The following ATP2B2 variants were observed in gnomAD, a reference collection of about 807,000 sequenced individuals.
ATP2B2 encodes ATPase plasma membrane Ca2+ transporting 2, also known as plasma membrane calcium-transporting ATPase 2.
A neutral mutation model predicts 120.0 loss-of-function variants in ATP2B2; 15 were observed. The observed-to-expected ratio is 0.12, with a 90% CI of 0.08 to 0.19. The LOEUF (loss-of-function observed/expected upper bound fraction) is 0.19. ATP2B2 is among the 10% of genes least tolerant of loss of function. The pLI, the probability that ATP2B2 is intolerant of heterozygous loss-of-function variation, is 1.00. For missense variants in ATP2B2, 1,045 were observed against 1,719.8 expected, an observed-to-expected ratio of 0.61 and a Z score of 6.94; for synonymous variants, 694 against 700.3, an observed-to-expected ratio of 0.99 and a Z score of 0.14.
intron 1 of ATP2B2, among the ~76,000 whole-genome samples, chr3:10,483,403 A>G (rs1040138680): frequency 2.0e-5 from 3 of 152,062 alleles, no homozygotes; most frequent in Non-Finnish European, 2.9e-5. Context: ...ACTAATCCAC[A>G]TTTTTTGAAT....
chr3:10,521,261 T>C, intron 3 of ATP2B2, among the ~76,000 whole-genome samples: 1 of 152,250 alleles, frequency 6.6e-6, no homozygotes, highest in East Asian at 1.9e-4. Flanking sequence ...GAGCCAATCC[T>C]ACCACTCAAG....
rs2060258949 is a variant in ATP2B2, at chr3:10,340,987, AG to A, written c.2918-284del. ...AAAGGTGGACGGCCGGCTGTGTTAAAGGTGGGCGACATGGCTTCTAAAAAGT... is the reference window on the plus strand; with the variant it reads ...AAAGGTGGACGGCCGGCTGTGTTAAAGTGGGCGACATGGCTTCTAAAAAGT... On this transcript the variant is annotated intron_variant, in intron 19 of 22. Transcript: ENST00000360273. The surrounding 1 kb of genome is among the most constrained non-coding windows in gnomAD (Gnocchi z 5.0). 6.6e-6 allele frequency among the ~76,000 whole-genome samples: 1 copy of A among 152,144 alleles called. No homozygotes were observed. The highest frequency in any genetic ancestry group is 6.5e-5 in the Admixed American group (1 of 15,282).
chr3:10,367,827 A>G (rs2061110567), intron 12 of ATP2B2, among the ~76,000 whole-genome samples: 1 of 152,254 alleles, frequency 6.6e-6, no homozygotes. Context: ...ATACAAAGCA[A>G]GGTAGGGAAA....
chr3:10,466,671 C>G (rs1211049672), intron 1 of ATP2B2, among the ~76,000 whole-genome samples: 1 of 152,206 alleles, frequency 6.6e-6, no homozygotes, highest in Non-Finnish European at 1.5e-5. Context: ...ACCATGCCAA[C>G]AGATGACTTT....
chr3:10,538,631 G>C (rs1358394611), intron 2 of ATP2B2, among the ~76,000 whole-genome samples: 1 of 152,154 alleles, frequency 6.6e-6, no homozygotes, highest in African/African-American at 2.4e-5. Context: ...AAAACCACTT[G>C]ACTGTCTCAA....
chr3:10,360,700 C>G (rs2060872444), intron 12 of ATP2B2, among the ~76,000 whole-genome samples: 1 of 152,210 alleles, frequency 6.6e-6, no homozygotes. Flanking sequence ...AGTATTAACA[C>G]AAGTACCACA....
chr3:10,576,176 G>A (rs2068241939), intron 2 of ATP2B2, among the ~76,000 whole-genome samples: 1 of 152,224 alleles, frequency 6.6e-6, no homozygotes, highest in Non-Finnish European at 1.5e-5. Context: ...CTTAGCCCCT[G>A]TGCTGACTGC....
intron 1 of ATP2B2, among the ~76,000 whole-genome samples, chr3:10,663,550 G>A (rs538749160): frequency 3.9e-5 from 6 of 152,090 alleles, no homozygotes; most frequent in Admixed American, 1.3e-4. Context: ...CTTCCTAAGG[G>A]GCCCCGCACC....
At chr3:10,433,936 A>G (rs754921622) in intron 2 of ATP2B2, among the ~76,000 whole-genome samples, 2 of 152,106 alleles carry the variant, frequency 1.3e-5, no homozygotes, top group Non-Finnish European at 2.9e-5. Flanking sequence ...GTGAAGAAGA[A>G]TATCTTTGTT....
intron 2 of ATP2B2, among the ~76,000 whole-genome samples, chr3:10,583,196 T>C (rs774185894): frequency 6.6e-6 from 1 of 152,242 alleles, no homozygotes; most frequent in Non-Finnish European, 1.5e-5. Flanking sequence ...GAGGCTGTGA[T>C]ATCTTGGCTC....
At chr3:10,480,447 C>T (rs867790149) in intron 1 of ATP2B2, among the ~76,000 whole-genome samples, 13 of 152,172 alleles carry the variant, frequency 8.5e-5, no homozygotes, top group Non-Finnish European at 1.3e-4. Context: ...GCTGCCAGAT[C>T]TGGGCAGGGA....
rs150728327 is a variant in ATP2B2, at chr3:10,421,907, G to C, written c.200-11092C>G. ...AACATTTACTATCACTTCCTGAAAG[G>C]CTTCCTTGATTTATTCAGCAAGAAC... is the stretch of plus-strand genomic sequence containing the variant. On this transcript the variant is annotated intron_variant, in intron 2 of 22. Transcript: ENST00000360273. 2.0e-3 allele frequency among the ~76,000 whole-genome samples: 301 copies of C among 152,296 alleles called. 1 individual carries two copies. The highest frequency in any genetic ancestry group is 7.0e-3 in the African/African-American group (292 of 41,546).
intron 1 of ATP2B2, among the ~76,000 whole-genome samples, chr3:10,663,554 C>G (rs1354060288): frequency 1.3e-5 from 2 of 152,150 alleles, no homozygotes; most frequent in Admixed American, 6.5e-5. Context: ...CTAAGGGGCC[C>G]CGCACCAGAG....
intron 1 of ATP2B2, among the ~76,000 whole-genome samples, chr3:10,455,407 G>A (rs77349638): frequency 0.022 from 3,356 of 152,292 alleles, 131 homozygotes; most frequent in African/African-American, 0.077. Context: ...ATGGCTGAGA[G>A]ACTAAATGAA....
chr3:10,613,520 T>C (rs1465236141), intron 2 of ATP2B2, among the ~76,000 whole-genome samples: 1 of 152,102 alleles, frequency 6.6e-6, no homozygotes, highest in East Asian at 1.9e-4. Context: ...ATTAGTGCCC[T>C]TGATGACTTA....
chr3:10,380,602 C>T (rs766257707), intron 8 of ATP2B2, among the ~76,000 whole-genome samples: 2 of 152,102 alleles, frequency 1.3e-5, no homozygotes, highest in Admixed American at 6.5e-5. Context: ...GAGAGCTGGC[C>T]CCAAAGTGCG....
chr3:10,460,960 C>T (rs1280323741), intron 1 of ATP2B2, among the ~76,000 whole-genome samples: 1 of 152,106 alleles, frequency 6.6e-6, no homozygotes, highest in Non-Finnish European at 1.5e-5. Flanking sequence ...TGGGATATTA[C>T]TTTTGGATAG....
At chr3:10,618,182 A>G (rs1385804191) in intron 2 of ATP2B2, among the ~76,000 whole-genome samples, 1 of 152,220 alleles carries the variant, frequency 6.6e-6, no homozygotes, top group Non-Finnish European at 1.5e-5. Context: ...AGTCAGATGG[A>G]CTGGGTTCCA....
intron 1 of ATP2B2, among the ~76,000 whole-genome samples, chr3:10,463,541 T>G (rs1203997418): frequency 6.6e-6 from 1 of 152,232 alleles, no homozygotes; most frequent in Non-Finnish European, 1.5e-5. Context: ...CTTTCACAGA[T>G]GAGCAAATGG....
Sources: gnomAD v4.1 joint callset for allele counts (sites outside exome capture counted in the v4.1 genomes callset) on GRCh38, gnomAD v4.1.1 for gene constraint, Gnocchi (gnomAD v3.1) non-coding constraint, MANE v1.5 for transcripts, NCBI Gene and HGNC (gene_info 2026-07-23, HGNC 2026-07-21) for gene names.